GUCY1A1: variants seen among roughly 807,000 people sequenced by gnomAD.
GUCY1A1 encodes the protein guanylate cyclase 1 soluble subunit alpha 1.
Under a neutral mutation model 64.5 loss-of-function variants are expected in GUCY1A1, and 48 were observed. The observed-to-expected ratio is 0.74, with a 90% CI of 0.59 to 0.95. The LOEUF is 0.95. GUCY1A1 is among the 40% of genes least tolerant of loss of function. The pLI is 0.00. For missense variants in GUCY1A1, 804 were observed against 825.3 expected, an observed-to-expected ratio of 0.97 and a Z score of 0.32; for synonymous variants, 308 against 303.4, an observed-to-expected ratio of 1.02 and a Z score of -0.16.
At chr4:155,713,920 C>G (rs542963985) in intron 7 of GUCY1A1, among the ~76,000 whole-genome samples, 1 of 152,288 alleles carries the variant, frequency 6.6e-6, no homozygotes, top group South Asian at 2.1e-4. Flanking sequence ...GAATCTGCCA[C>G]TTCACTGTGG....
intron 4 of GUCY1A1, among the ~76,000 whole-genome samples, chr4:155,705,009 G>A (rs1001631950): frequency 1.6e-4 from 25 of 152,146 alleles, no homozygotes; most frequent in East Asian, 1.9e-4. Context: ...TCAACCTCTC[G>A]AGCAGCTGGG....
chr4:155,672,071 T>C (rs970607313), intron 2 of GUCY1A1, among the ~76,000 whole-genome samples: 2 of 149,010 alleles, frequency 1.3e-5, no homozygotes, highest in South Asian at 2.3e-4. Context: ...TTTTTGCACA[T>C]TCTTCTGCAA....
intron 2 of GUCY1A1, among the ~76,000 whole-genome samples, chr4:155,693,250 G>T (rs988751584): frequency 6.6e-6 from 1 of 152,114 alleles, no homozygotes; most frequent in African/African-American, 2.4e-5. Context: ...TTTATTTGGA[G>T]GCTGTTTAAT....
chr4:155,728,462 C>G (rs1193429682), intron 9 of GUCY1A1, among the ~76,000 whole-genome samples: 5 of 151,790 alleles, frequency 3.3e-5, no homozygotes, highest in African/African-American at 1.2e-4. Context: ...TATCTTCTAC[C>G]TGTGGGTAAT....
chr4:155,684,573 T>G (rs1728723096), intron 2 of GUCY1A1, among the ~76,000 whole-genome samples: 1 of 152,160 alleles, frequency 6.6e-6, no homozygotes, highest in Non-Finnish European at 1.5e-5. Flanking sequence ...CTGGGCCACC[T>G]CCAAAGAAAC....
At position 155,696,755 on chromosome 4, in the gene GUCY1A1, G is replaced by C; in HGVS notation, c.-112-1G>C. On this transcript the variant is annotated splice_acceptor_variant, in intron 2 of 9. Coordinates refer to ENST00000506455, the MANE Select transcript of GUCY1A1 (RefSeq NM_001130682.3). LOFTEE classifies it low-confidence loss of function (5UTR_SPLICE). ...CTGTTCTGACTTTTTGCTGTCCATA[G>C]ACATCCCAGTTACCAGTGTCCTTGA... 1 of 947,028 alleles carries C rather than the reference G, an allele frequency of 1.1e-6. No individual in the cohort carries two copies. The highest frequency in any genetic ancestry group is 1.6e-6 in the Non-Finnish European group (1 of 617,702). The allele number at this position is 947,028 out of a possible 1,614,324, so 58.7% of individuals were successfully genotyped here.
At chr4:155,668,758 C>T (rs1449236671) in intron 2 of GUCY1A1, among the ~76,000 whole-genome samples, 1 of 152,030 alleles carries the variant, frequency 6.6e-6, no homozygotes, top group Non-Finnish European at 1.5e-5. Context: ...ATAGCAACGA[C>T]GATGTAACCA....
intron 2 of GUCY1A1, among the ~76,000 whole-genome samples, chr4:155,685,544 C>T (rs569440379): frequency 2.7e-4 from 41 of 151,832 alleles, no homozygotes; most frequent in African/African-American, 8.0e-4. Context: ...CTCCAGCTTC[C>T]GCAGCTCCTC....
chr4:155,717,406 G>C, intron 8 of GUCY1A1, 104 bp downstream of exon 8: 7 of 709,518 alleles, frequency 9.9e-6, no homozygotes, highest in Non-Finnish European at 1.2e-5. Context: ...GAGAGAGAGA[G>C]AGAAAGCAAA....
chr4:155,706,801 T>G (rs990446142), intron 4 of GUCY1A1, among the ~76,000 whole-genome samples: 3 of 152,250 alleles, frequency 2.0e-5, no homozygotes, highest in Non-Finnish European at 4.4e-5. Context: ...AAACTAAGCT[T>G]CGCTCATTTG....
rs561073452 is a variant in GUCY1A1, at chr4:155,713,427, G to A, written c.1416G>A (p.Val472=). 3 of 1,614,144 alleles carry A rather than the reference G, an allele frequency of 1.9e-6. No individual in the cohort carries two copies. The highest frequency in any genetic ancestry group is 2.5e-6 in the Non-Finnish European group (3 of 1,180,012). ...VAQQLWQGQV[V]QAKKFSNVTM... ...AGCAGCTGTGGCAAGGGCAAGTTGT[G>A]CAAGCCAAGAAGTTCAGTAATGTCA... The change falls in exon 7 of 10, where the codon GTG becomes GTA. Residue 472 remains valine (V), a synonymous_variant. Coordinates refer to ENST00000506455, the MANE Select transcript of GUCY1A1 (RefSeq NM_001130682.3).
At chr4:155,682,964 T>C (rs931989443) in intron 2 of GUCY1A1, among the ~76,000 whole-genome samples, 1 of 152,202 alleles carries the variant, frequency 6.6e-6, no homozygotes, top group African/African-American at 2.4e-5. Flanking sequence ...GCTAATAGCC[T>C]AATATTAATA....
At chr4:155,724,890 T>G (rs1362095856) in intron 9 of GUCY1A1, among the ~76,000 whole-genome samples, 1 of 152,108 alleles carries the variant, frequency 6.6e-6, no homozygotes, top group African/African-American at 2.4e-5. Context: ...TTAGAATGAG[T>G]GATTTCCCAC....
At chr4:155,685,688 G>T (rs974276874) in intron 2 of GUCY1A1, among the ~76,000 whole-genome samples, 1 of 145,778 alleles carries the variant, frequency 6.9e-6, no homozygotes, top group Admixed American at 7.1e-5. Context: ...TCTTGATTAG[G>T]TTTGGTAAGA....
chr4:155,711,730 T>C (rs2126863123), intron 6 of GUCY1A1, among the ~76,000 whole-genome samples: 1 of 152,278 alleles, frequency 6.6e-6, no homozygotes, highest in South Asian at 2.1e-4. Flanking sequence ...TGTCATCTCA[T>C]GGTAGAGAGC....
intron 2 of GUCY1A1, among the ~76,000 whole-genome samples, chr4:155,677,554 A>G (rs1735129005): frequency 6.6e-6 from 1 of 152,148 alleles, no homozygotes; most frequent in Non-Finnish European, 1.5e-5. Flanking sequence ...ATCCTTAAAT[A>G]TAAGAAGAAA....
chr4:155,728,681 G>A (rs997425276), intron 9 of GUCY1A1, among the ~76,000 whole-genome samples: 1 of 151,828 alleles, frequency 6.6e-6, no homozygotes, highest in Non-Finnish European at 1.5e-5. Flanking sequence ...TCTCCAAGGT[G>A]ATATTGTCAG....
rs1384859140 is a variant in GUCY1A1, at chr4:155,733,362, G to A, written c.*3131G>A. Among the ~76,000 whole-genome samples the A allele has an allele frequency of 6.6e-6, 1 of 151,630 alleles. No individual in the cohort carries two copies. The highest frequency in any genetic ancestry group is 1.5e-5 in the Non-Finnish European group (1 of 67,840). ...AATAAATCAGCACACAAAGAGATGGGGTCTTGAGGGTGCATAGTACATTCT... is the reference window on the plus strand; with the variant it reads ...AATAAATCAGCACACAAAGAGATGGAGTCTTGAGGGTGCATAGTACATTCT... On this transcript the variant is annotated 3_prime_UTR_variant, in exon 10 of 10. Transcript: ENST00000506455.
At chr4:155,685,978 A>G (rs918113803) in intron 2 of GUCY1A1, among the ~76,000 whole-genome samples, 16 of 152,184 alleles carry the variant, frequency 1.1e-4, no homozygotes, top group African/African-American at 2.9e-4. Flanking sequence ...TTGCTCAGAA[A>G]GGTAATTCAA....
Sources: gnomAD v4.1 joint callset for allele counts (sites outside exome capture counted in the v4.1 genomes callset) on GRCh38, gnomAD v4.1.1 for gene constraint, MANE v1.5 for transcripts, NCBI Gene and HGNC (gene_info 2026-07-23, HGNC 2026-07-21) for gene names.